MYO1H: variants seen among roughly 807,000 people sequenced by gnomAD.
MYO1H encodes unconventional myosin-Ih.
A neutral mutation model predicts 149.3 loss-of-function variants in MYO1H; 118 were observed. The ratio of observed to expected loss-of-function variants is 0.79; its 90% CI spans 0.68 to 0.92. MYO1H has a LOEUF of 0.92. Ranked by LOEUF, MYO1H falls within the 40% of genes least tolerant of loss-of-function variation. MYO1H has a pLI of 0.00. For synonymous variants in MYO1H, 447 were observed against 465.2 expected, an observed-to-expected ratio of 0.96 and a Z score of 0.50; for missense variants, 1,212 against 1,280.7, an observed-to-expected ratio of 0.95 and a Z score of 0.82.
chr12:109,355,890 G>A (rs1001489952), intron 1 of MYO1H, among the ~76,000 whole-genome samples: 6 of 138,852 alleles, frequency 4.3e-5, no homozygotes, highest in African/African-American at 1.7e-4. Context: ...TTTTTTTCTG[G>A]TATTTTTAGT....
At chr12:109,354,630 A>AAAGAAAAAG in intron 1 of MYO1H, among the ~76,000 whole-genome samples, 1 of 134,046 alleles carries the variant, frequency 7.5e-6, no homozygotes, top group African/African-American at 2.9e-5. Flanking sequence ...AAAAAAAAAA[A>AAAGAAAAAG]AAAAGAAAAG....
At chr12:109,370,398 C>T (rs1391602944) in intron 1 of MYO1H, among the ~76,000 whole-genome samples, 1 of 152,172 alleles carries the variant, frequency 6.6e-6, no homozygotes, top group Non-Finnish European at 1.5e-5. Flanking sequence ...TGGTCAAAGT[C>T]ACATGTCTAC....
At position 109,436,859 on chromosome 12, in the gene MYO1H, C is replaced by T. The variant is rs534854436; in HGVS notation, c.2209+303C>T. Among the ~76,000 whole-genome samples, 64 of 152,140 alleles carry T rather than the reference C, an allele frequency of 4.2e-4. 1 individual carries two copies. In the South Asian group the frequency reaches 0.012, roughly 29 times the overall value. The stretch of plus-strand genomic sequence containing the variant: ...ATCCTAGCACTTTGGGAGGCTGAGG[C>T]GCGTGGATTACTTGAGCTCAAGAGT... On this transcript the variant is annotated intron_variant, in intron 22 of 31. Coordinates refer to ENST00000310903, the Ensembl canonical transcript of MYO1H.
At chr12:109,388,370 C>T (rs759970) in intron 1 of MYO1H, among the ~76,000 whole-genome samples, 8,889 of 152,134 alleles carry the variant, frequency 0.058, 846 homozygotes, top group African/African-American at 0.2. Flanking sequence ...CCTCAGTTTT[C>T]TCATCTGTAG....
intron 1 of MYO1H, among the ~76,000 whole-genome samples, chr12:109,374,319 G>A (rs1381358446): frequency 6.6e-6 from 1 of 152,168 alleles, no homozygotes; most frequent in Non-Finnish European, 1.5e-5. Flanking sequence ...TATGTGGCAA[G>A]TTATTTAACC....
the MYO1H span, among the ~76,000 whole-genome samples, chr12:109,331,120 C>A: frequency 7.9e-5 from 12 of 152,326 alleles, no homozygotes; most frequent in South Asian, 2.1e-3. Flanking sequence ...CAATCCTTCA[C>A]AAATATATAT....
At chr12:109,417,007 CAA>C (rs566837198) in intron 15 of MYO1H, among the ~76,000 whole-genome samples, 2 of 124,522 alleles carry the variant, frequency 1.6e-5, no homozygotes, top group Admixed American at 8.3e-5. Flanking sequence ...AACTCCATCT[CAA>C]AAAAAAAAAA....
intron 14 of MYO1H, among the ~76,000 whole-genome samples, chr12:109,412,850 A>G (rs1870730484): frequency 6.6e-6 from 1 of 151,870 alleles, no homozygotes; most frequent in Admixed American, 6.6e-5. Context: ...CAGTTGTGCA[A>G]TCTCTGCTCA....
At chr12:109,426,895 C>T (rs1284748837) in intron 18 of MYO1H, among the ~76,000 whole-genome samples, 1 of 152,162 alleles carries the variant, frequency 6.6e-6, no homozygotes, top group Non-Finnish European at 1.5e-5. Context: ...TCTAAAGGGG[C>T]AACAGCGCTA....
intron 1 of MYO1H, among the ~76,000 whole-genome samples, chr12:109,376,632 C>T (rs1456046166): frequency 1.3e-5 from 2 of 152,194 alleles, no homozygotes; most frequent in East Asian, 3.9e-4. Flanking sequence ...CCTGGGCTCT[C>T]TATTCTGTTA....
intron 1 of MYO1H, among the ~76,000 whole-genome samples, chr12:109,376,694 A>G (rs963760712): frequency 2.0e-5 from 3 of 152,196 alleles, no homozygotes; most frequent in African/African-American, 7.2e-5. Context: ...GGATTAATGT[A>G]GTTTTACAGT....
chr12:109,393,137 C>A (rs1869730937), intron 2 of MYO1H, among the ~76,000 whole-genome samples, 194 bp from the exon 3 acceptor site: 1 of 152,034 alleles, frequency 6.6e-6, no homozygotes. Flanking sequence ...CTGATCTCTT[C>A]CTGCAGCTGT....
At chr12:109,317,736 G>T in the MYO1H span, among the ~76,000 whole-genome samples, 4 of 152,318 alleles carry the variant, frequency 2.6e-5, no homozygotes, top group South Asian at 8.3e-4. Flanking sequence ...CCTGAACCCA[G>T]CCAGGGATTT....
chr12:109,415,456 A>C (rs1004533217), intron 14 of MYO1H, 70 bp from the exon 15 acceptor site: 2 of 1,437,500 alleles, frequency 1.4e-6, no homozygotes, highest in African/African-American at 1.4e-5. Flanking sequence ...AGCTTGGGCA[A>C]CAGAGCAAGA....
chr12:109,409,073 G>A lies in MYO1H; in HGVS notation c.1156-484G>A, dbSNP rs185410298. Reference sequence around the variant, plus strand: ...CCCAAAGTGCTGGGATTGCAGGCGTGAGCCACCACGCCTGGCCTGAAATAA... The same window carrying A: ...CCCAAAGTGCTGGGATTGCAGGCGTAAGCCACCACGCCTGGCCTGAAATAA... On this transcript the variant is annotated intron_variant, in intron 10 of 31. Coordinates refer to ENST00000310903, the Ensembl canonical transcript of MYO1H. 2.9e-3 allele frequency among the ~76,000 whole-genome samples: 445 copies of A among 152,138 alleles called. 4 individuals carry two copies. Among genetic ancestry groups the A allele is most frequent in the African/African-American group, 9.7e-3 (401 of 41,492 alleles).
At chr12:109,388,591 C>T in intron 1 of MYO1H, 92 bp from the exon 2 acceptor site, 4 of 1,193,862 alleles carry the variant, frequency 3.4e-6, no homozygotes, top group Non-Finnish European at 4.6e-6. Flanking sequence ...TCTACTATCC[C>T]AGGGTTTAGC....
the MYO1H span, among the ~76,000 whole-genome samples, chr12:109,324,689 T>C: frequency 3.1e-5 from 4 of 128,326 alleles, no homozygotes; most frequent in African/African-American, 9.9e-5. Flanking sequence ...CTCATTTCTT[T>C]TTCTTTTTCT....
At chr12:109,421,071 A>G (rs1264891191) in intron 16 of MYO1H, 44 bp downstream of exon 16, 1 of 1,318,048 alleles carries the variant, frequency 7.6e-7, no homozygotes, top group Non-Finnish European at 1.1e-6. Flanking sequence ...TTATTTTGAA[A>G]TATTACCCAT....
the MYO1H span, among the ~76,000 whole-genome samples, chr12:109,326,780 A>G: frequency 1.3e-5 from 2 of 152,164 alleles, no homozygotes; most frequent in Non-Finnish European, 2.9e-5. Flanking sequence ...TCGGCCCCCA[A>G]AGTGCTGGGA....
Sources: gnomAD v4.1 joint callset for allele counts (sites outside exome capture counted in the v4.1 genomes callset) on GRCh38, gnomAD v4.1.1 for gene constraint, MANE v1.5 for transcripts, NCBI Gene and HGNC (gene_info 2026-07-23, HGNC 2026-07-21) for gene names.